XPR1: variants seen among roughly 807,000 people sequenced by gnomAD.
XPR1 encodes the protein solute carrier family 53 member 1.
A neutral mutation model predicts 87.5 loss-of-function variants in XPR1; 28 were observed. The observed-to-expected ratio is 0.32, with a 90% CI of 0.24 to 0.44. XPR1 has a LOEUF of 0.44. XPR1 is among the 20% of genes least tolerant of loss of function. The pLI is 1.00. For synonymous variants in XPR1, 300 were observed against 306.1 expected (o/e 0.98, Z 0.21); for missense variants, 559 against 862.3 (o/e 0.65, Z 4.41).
intron 5 of XPR1, 43 bp downstream of exon 5, chr1:180,806,254 G>T: frequency 6.3e-7 from 1 of 1,590,660 alleles, no homozygotes; most frequent in South Asian, 1.1e-5. Flanking sequence ...TCAGTTACAC[G>T]TTTTATATTT....
chr1:180,730,169 T>C (rs900576346), intron 2 of XPR1, among the ~76,000 whole-genome samples: 1 of 152,230 alleles, frequency 6.6e-6, no homozygotes, highest in East Asian at 1.9e-4. Context: ...TGCTTGTTTT[T>C]GTCAACTTTG....
chr1:180,807,325 A>G (rs1188681977), intron 6 of XPR1, among the ~76,000 whole-genome samples: 2 of 152,232 alleles, frequency 1.3e-5, no homozygotes, highest in Non-Finnish European at 1.5e-5. Flanking sequence ...TAGTGAATCT[A>G]TAGAATAGCT....
intron 3 of XPR1, among the ~76,000 whole-genome samples, chr1:180,800,449 T>G (rs1157793462): frequency 6.6e-6 from 1 of 152,220 alleles, no homozygotes; most frequent in African/African-American, 2.4e-5. Context: ...GGAAACAGTC[T>G]TAAAACTACA....
At position 180,634,123 on chromosome 1, in the gene XPR1, C is replaced by G. The variant is rs11804145; in HGVS notation, c.69+1853C>G. On this transcript the variant is annotated intron_variant, in intron 1 of 14. Transcript: ENST00000367590. The stretch of plus-strand genomic sequence containing the variant: ...GAACCACATTGATTCTGGGACTCCT[C>G]ATTCACATAGTCCACTTGGATACTG... Among the ~76,000 whole-genome samples, 688 of 152,288 alleles carry G rather than the reference C, an allele frequency of 4.5e-3. 5 individuals carry two copies. The highest frequency in any genetic ancestry group is 0.015 in the African/African-American group (614 of 41,552).
rs1405862974 is a variant in XPR1 at position 180,831,370 on chromosome 1, T to C, written c.1135-3504T>C. Reference sequence around the variant, plus strand: ...TATTTTCTTTTCTTTTTCTTTTTTTTTTTTTTTTTTTGATAACATGGGTGA... The same window carrying C: ...TATTTTCTTTTCTTTTTCTTTTTTTCTTTTTTTTTTTGATAACATGGGTGA... On this transcript the variant is annotated intron_variant, in intron 9 of 14. Coordinates refer to ENST00000367590, the MANE Select transcript of XPR1 (RefSeq NM_004736.4). Among the ~76,000 whole-genome samples the C allele has an allele frequency of 2.1e-4, 32 of 149,708 alleles. 1 individual carries two copies. Among genetic ancestry groups the C allele is most frequent in the Non-Finnish European group, 3.4e-4 (23 of 67,298 alleles).
chr1:180,652,324 T>G (rs1346945844), intron 1 of XPR1, among the ~76,000 whole-genome samples: 2 of 152,098 alleles, frequency 1.3e-5, no homozygotes, highest in Non-Finnish European at 2.9e-5. Flanking sequence ...ATGACAGTGC[T>G]CTCTGCCCTC....
At chr1:180,710,455 C>T (rs187391176) in intron 2 of XPR1, among the ~76,000 whole-genome samples, 20 of 152,222 alleles carry the variant, frequency 1.3e-4, no homozygotes, top group South Asian at 2.1e-4. Context: ...CATATTGCGC[C>T]GCCCTTAATC....
chr1:180,818,030 C>A (rs1650476136), intron 7 of XPR1, among the ~76,000 whole-genome samples: 1 of 149,768 alleles, frequency 6.7e-6, no homozygotes. Context: ...CCTGGAATAG[C>A]ATATATAGCA....
At chr1:180,728,299 G>GA (rs911963783) in intron 2 of XPR1, among the ~76,000 whole-genome samples, 20 of 133,620 alleles carry the variant, frequency 1.5e-4, no homozygotes, top group African/African-American at 5.0e-4. Context: ...TTTATAACTG[G>GA]GGGGGGGGGT....
intron 2 of XPR1, among the ~76,000 whole-genome samples, chr1:180,748,072 CAT>C (rs1240692338): frequency 1.3e-5 from 2 of 152,182 alleles, no homozygotes; most frequent in Non-Finnish European, 2.9e-5. Context: ...GTACCATACA[CAT>C]TTAGAGTCAT....
At chr1:180,686,765 C>G (rs944878306) in intron 2 of XPR1, among the ~76,000 whole-genome samples, 1 of 152,208 alleles carries the variant, frequency 6.6e-6, no homozygotes, top group Admixed American at 6.5e-5. Flanking sequence ...GAGACTTGTT[C>G]TTATGACAAA....
intron 2 of XPR1, among the ~76,000 whole-genome samples, chr1:180,786,877 A>G (rs1479083218): frequency 2.0e-5 from 3 of 152,072 alleles, no homozygotes; most frequent in Non-Finnish European, 2.9e-5. Flanking sequence ...CAACACATTT[A>G]TGTTACCTTC....
At chr1:180,686,922 T>C (rs946448726) in intron 2 of XPR1, among the ~76,000 whole-genome samples, 1 of 152,316 alleles carries the variant, frequency 6.6e-6, no homozygotes, top group African/African-American at 2.4e-5. Flanking sequence ...TTGCCTTATA[T>C]TAAGTCAGGA....
At chr1:180,823,036 TC>T (rs1650694883) in intron 7 of XPR1, among the ~76,000 whole-genome samples, 1 of 152,134 alleles carries the variant, frequency 6.6e-6, no homozygotes, top group South Asian at 2.1e-4. Context: ...GGTCAGGAGT[TC>T]CAGACCAGCC....
At chr1:180,880,404 C>T in intron 14 of XPR1, 107 bp downstream of exon 14, 7 of 1,261,564 alleles carry the variant, frequency 5.5e-6, no homozygotes, top group Non-Finnish European at 7.8e-6. Flanking sequence ...ATTGCCAATA[C>T]TCAGCCATTT....
intron 2 of XPR1, among the ~76,000 whole-genome samples, chr1:180,703,450 C>A (rs1297079713): frequency 6.6e-6 from 1 of 152,082 alleles, no homozygotes; most frequent in African/African-American, 2.4e-5. Flanking sequence ...TTCCTAGGCT[C>A]CCAGATGATG....
chr1:180,764,605 G>A (rs1648198045), intron 2 of XPR1, among the ~76,000 whole-genome samples: 2 of 151,730 alleles, frequency 1.3e-5, no homozygotes, highest in South Asian at 4.2e-4. Flanking sequence ...ATGTAGCTGG[G>A]ACTACAGGCA....
At chr1:180,740,348 A>T (rs769640548) in intron 2 of XPR1, among the ~76,000 whole-genome samples, 1 of 151,328 alleles carries the variant, frequency 6.6e-6, no homozygotes, top group African/African-American at 2.4e-5. Context: ...TCCTATTTCT[A>T]GTTTGCTGAG....
chr1:180,759,372 A>G (rs1202794997), intron 2 of XPR1, among the ~76,000 whole-genome samples: 1 of 152,204 alleles, frequency 6.6e-6, no homozygotes, highest in African/African-American at 2.4e-5. Flanking sequence ...CGCTAGTAAG[A>G]CTAATAAAGA....
Sources: gnomAD v4.1 joint callset for allele counts (sites outside exome capture counted in the v4.1 genomes callset) on GRCh38, gnomAD v4.1.1 for gene constraint, MANE v1.5 for transcripts, NCBI Gene and HGNC (gene_info 2026-07-23, HGNC 2026-07-21) for gene names.